AUTS2: variants seen among roughly 807,000 people sequenced by gnomAD.
AUTS2 encodes activator of transcription and developmental regulator AUTS2.
Under a neutral mutation model 112.4 loss-of-function variants are expected in AUTS2, and 17 were observed. The ratio of observed to expected loss-of-function variants is 0.15; its 90% CI spans 0.10 to 0.23. The LOEUF is 0.23. Ranked by LOEUF, AUTS2 falls within the 10% of genes least tolerant of loss-of-function variation. AUTS2 has a pLI of 1.00. For synonymous variants in AUTS2, 751 were observed against 702.7 expected, an observed-to-expected ratio of 1.07 and a Z score of -1.09; for missense variants, 1,510 against 1,701.6, an observed-to-expected ratio of 0.89 and a Z score of 1.98.
chr7:69,736,619 A>G lies in AUTS2; in HGVS notation c.309+136657A>G, dbSNP rs528745333. 2.6e-5 allele frequency among the ~76,000 whole-genome samples: 4 copies of G among 152,332 alleles called. No individual in the cohort carries two copies. In the South Asian group the frequency reaches 8.3e-4, roughly 32 times the overall value. Reference sequence around the variant, plus strand: ...GCATTTTGCATCACCTTTGCAACTCATAAATCATCCACTTACCCTCTCAGT... The same window carrying G: ...GCATTTTGCATCACCTTTGCAACTCGTAAATCATCCACTTACCCTCTCAGT... On this transcript the variant is annotated intron_variant, in intron 1 of 18. Transcript: ENST00000342771.
chr7:70,180,986 A>G (rs1490525863), intron 4 of AUTS2, among the ~76,000 whole-genome samples: 1 of 152,228 alleles, frequency 6.6e-6, no homozygotes, highest in Non-Finnish European at 1.5e-5. Flanking sequence ...TATTTATGTT[A>G]CTAATTTCTT....
chr7:70,443,360 C>T (rs1435973402), intron 5 of AUTS2, among the ~76,000 whole-genome samples: 1 of 152,202 alleles, frequency 6.6e-6, no homozygotes, highest in Non-Finnish European at 1.5e-5. Context: ...GGCAAGTTAC[C>T]TAATGGTGCC....
intron 5 of AUTS2, among the ~76,000 whole-genome samples, chr7:70,495,712 C>T (rs62455779): frequency 2.6e-4 from 34 of 132,742 alleles, no homozygotes; most frequent in African/African-American, 9.5e-4. Flanking sequence ...CACACACACA[C>T]CCCACACATG....
At chr7:69,848,917 C>A (rs1483848823) in intron 1 of AUTS2, among the ~76,000 whole-genome samples, 1 of 152,114 alleles carries the variant, frequency 6.6e-6, no homozygotes, top group African/African-American at 2.4e-5. Flanking sequence ...ACTAAATAAT[C>A]TTCAGAAGAC....
intron 2 of AUTS2, among the ~76,000 whole-genome samples, chr7:70,026,540 G>A (rs1800533127): frequency 6.6e-6 from 1 of 152,140 alleles, no homozygotes; most frequent in African/African-American, 2.4e-5. Context: ...GGCATGGAAC[G>A]ATTTGAATGT....
intron 4 of AUTS2, among the ~76,000 whole-genome samples, chr7:70,298,198 G>T (rs1789037166): frequency 6.6e-6 from 1 of 151,734 alleles, no homozygotes; most frequent in East Asian, 2.0e-4. Flanking sequence ...CGCCCAGCTA[G>T]TTTTTATATT....
chr7:70,005,169 C>CT (rs1168124049), intron 2 of AUTS2, among the ~76,000 whole-genome samples: 3 of 151,992 alleles, frequency 2.0e-5, no homozygotes, highest in African/African-American at 7.2e-5. Flanking sequence ...ATGGAATTCT[C>CT]TAGGAAGCAC....
chr7:70,355,010 ATGTATGTGTGTG>A (rs1316965368), intron 4 of AUTS2, among the ~76,000 whole-genome samples: 1 of 131,548 alleles, frequency 7.6e-6, no homozygotes, highest in Admixed American at 7.4e-5. Flanking sequence ...GTGTGTGTGT[ATGTATGTGTGTG>A]TGTATGGGTG....
At chr7:69,811,643 A>G (rs1330530729) in intron 1 of AUTS2, among the ~76,000 whole-genome samples, 2 of 152,116 alleles carry the variant, frequency 1.3e-5, no homozygotes, top group African/African-American at 4.8e-5. Flanking sequence ...TGTACCTGCA[A>G]TAAGTGATAC....
intron 5 of AUTS2, among the ~76,000 whole-genome samples, chr7:70,579,628 AT>A (rs1337136084): frequency 6.6e-6 from 1 of 152,146 alleles, no homozygotes; most frequent in African/African-American, 2.4e-5. Flanking sequence ...AGCAGGTGCA[AT>A]TAATAAACCA....
At chr7:70,078,631 G>A (rs1803151320) in intron 2 of AUTS2, among the ~76,000 whole-genome samples, 1 of 152,058 alleles carries the variant, frequency 6.6e-6, no homozygotes, top group Non-Finnish European at 1.5e-5. Context: ...TGTTTTAATA[G>A]AATAAAAGAA....
At position 69,839,471 on chromosome 7, in the gene AUTS2, G is replaced by T. The variant is rs1334755673; in HGVS notation, c.310-59815G>T. ...TGTATAGATCAAGTAGGCTGAATAT[G>T]ACTTAATCCCCAAGTTTCTTCTATA... is the stretch of plus-strand genomic sequence containing the variant. On this transcript the variant is annotated intron_variant, in intron 1 of 18. Transcript: ENST00000342771. Among the ~76,000 whole-genome samples the T allele has an allele frequency of 2.0e-5, 3 of 152,020 alleles. No homozygotes were observed. The East Asian group carries it at 5.8e-4, about 29-fold the overall frequency.
chr7:70,482,102 G>A (rs2116214523), intron 5 of AUTS2, among the ~76,000 whole-genome samples: 1 of 152,238 alleles, frequency 6.6e-6, no homozygotes, highest in Non-Finnish European at 1.5e-5. Context: ...GATGGGGTGC[G>A]TTTTGATTTC....
intron 2 of AUTS2, among the ~76,000 whole-genome samples, chr7:70,064,268 T>C (rs770325757): frequency 3.3e-5 from 5 of 152,182 alleles, no homozygotes; most frequent in African/African-American, 4.8e-5. Flanking sequence ...ACCTGAATCA[T>C]TGTCTGTGTA....
chr7:69,983,284 T>A (rs1377967932), intron 2 of AUTS2, among the ~76,000 whole-genome samples: 2 of 152,196 alleles, frequency 1.3e-5, no homozygotes, highest in African/African-American at 4.8e-5. Context: ...ACAATCTCTG[T>A]GGGGTTTTAT....
At chr7:70,556,376 C>T (rs1457146184) in intron 5 of AUTS2, among the ~76,000 whole-genome samples, 1 of 152,180 alleles carries the variant, frequency 6.6e-6, no homozygotes, top group African/African-American at 2.4e-5. Context: ...CTATATCACT[C>T]ATCTAGAAAA....
At chr7:69,963,332 G>A (rs774129379) in intron 2 of AUTS2, among the ~76,000 whole-genome samples, 10 of 152,088 alleles carry the variant, frequency 6.6e-5, no homozygotes, top group Non-Finnish European at 1.3e-4. Context: ...CCTGTTGGAG[G>A]AGGTGACCAT....
intron 1 of AUTS2, among the ~76,000 whole-genome samples, chr7:69,838,882 C>T (rs1791843830): frequency 6.6e-6 from 1 of 152,144 alleles, no homozygotes; most frequent in Non-Finnish European, 1.5e-5. Flanking sequence ...ACAAGACTCA[C>T]AGTAGGGATA....
chr7:70,178,348 A>G (rs1809107481), intron 4 of AUTS2, among the ~76,000 whole-genome samples: 1 of 152,076 alleles, frequency 6.6e-6, no homozygotes, highest in East Asian at 1.9e-4. Context: ...TGCAAGACAC[A>G]GAGGGTTGGT....
Sources: allele counts gnomAD v4.1 joint callset (sites outside exome capture counted in the v4.1 genomes callset), GRCh38; gene constraint gnomAD v4.1.1; transcripts MANE v1.5; gene names NCBI Gene and HGNC (gene_info 2026-07-23, HGNC 2026-07-21).